Variants in CCDC91 observed in about 807,000 individuals in gnomAD.
CCDC91 encodes the protein coiled-coil domain-containing protein 91.
A neutral mutation model predicts 63.2 loss-of-function variants in CCDC91; 48 were observed. That is an observed-to-expected ratio of 0.76 (90% CI 0.60 to 0.97). The LOEUF (loss-of-function observed/expected upper bound fraction) is 0.97, where lower values mean the gene tolerates loss of function less well. Ranked by LOEUF, CCDC91 falls within the 50% of genes least tolerant of loss-of-function variation. CCDC91 has a pLI of 0.00. For missense variants in CCDC91, 500 were observed against 494.6 expected (o/e 1.01, Z -0.10); for synonymous variants, 167 against 165.8 (o/e 1.01, Z -0.06).
At chr12:28,467,252 TGAA>T (rs1177661939) in intron 11 of CCDC91, among the ~76,000 whole-genome samples, 2 of 151,668 alleles carry the variant, frequency 1.3e-5, no homozygotes, top group African/African-American at 4.8e-5. Flanking sequence ...ACACATAGAC[TGAA>T]GAAAAAGGGA....
At chr12:28,523,114 A>G (rs1453111142) in intron 12 of CCDC91, among the ~76,000 whole-genome samples, 1 of 152,136 alleles carries the variant, frequency 6.6e-6, no homozygotes, top group South Asian at 2.1e-4. Flanking sequence ...GCTGAATTCA[A>G]TTCCTGGATA....
chr12:28,439,549 T>A (rs369950732), intron 8 of CCDC91, among the ~76,000 whole-genome samples: 2 of 152,084 alleles, frequency 1.3e-5, no homozygotes, highest in South Asian at 4.1e-4. Context: ...ATACACAAAA[T>A]AATGTGAAGT....
At chr12:28,429,823 C>T (rs567270160) in intron 8 of CCDC91, among the ~76,000 whole-genome samples, 3 of 149,596 alleles carry the variant, frequency 2.0e-5, no homozygotes, top group Admixed American at 2.0e-4. Context: ...TTTGTAATTA[C>T]AAATCAAGAT....
chr12:28,457,343 G>T (rs17434816), intron 11 of CCDC91, among the ~76,000 whole-genome samples: 2,444 of 151,770 alleles, frequency 0.016, 26 homozygotes, highest in South Asian at 0.029. Context: ...AGCCGTTTTT[G>T]AATTCTAAGG....
intron 11 of CCDC91, among the ~76,000 whole-genome samples, chr12:28,469,775 A>G (rs1950719847): frequency 6.6e-6 from 1 of 152,160 alleles, no homozygotes; most frequent in African/African-American, 2.4e-5. Context: ...GAACCCAGAA[A>G]CAAAGCCACA....
At chr12:28,494,403 T>C (rs1376068335) in intron 12 of CCDC91, among the ~76,000 whole-genome samples, 1 of 151,722 alleles carries the variant, frequency 6.6e-6, no homozygotes, top group African/African-American at 2.4e-5. Context: ...TCTTTCTTAG[T>C]AGCAGGAGGT....
chr12:28,529,926 G>C (rs2141600814), intron 12 of CCDC91, among the ~76,000 whole-genome samples: 1 of 152,102 alleles, frequency 6.6e-6, no homozygotes, highest in South Asian at 2.1e-4. Flanking sequence ...TTGTAATTTA[G>C]GTGAATATTG....
At chr12:28,258,500 A>G (rs1223756385) in intron 2 of CCDC91, among the ~76,000 whole-genome samples, 4 of 152,054 alleles carry the variant, frequency 2.6e-5, no homozygotes, top group Non-Finnish European at 5.9e-5. Context: ...GCATAGGTAC[A>G]GGTTAACCAG....
intron 8 of CCDC91, among the ~76,000 whole-genome samples, chr12:28,441,764 ATG>A (rs1404371795): frequency 2.0e-5 from 3 of 150,534 alleles, no homozygotes; most frequent in African/African-American, 7.3e-5. Context: ...ATATATGTAT[ATG>A]TGTATGCATG....
chr12:28,298,451 G>C (rs930072652), intron 3 of CCDC91, among the ~76,000 whole-genome samples: 6 of 149,802 alleles, frequency 4.0e-5, no homozygotes, highest in Non-Finnish European at 5.9e-5. Flanking sequence ...TATTAACTCA[G>C]AGCATGCTTT....
intron 7 of CCDC91, among the ~76,000 whole-genome samples, chr12:28,371,927 C>T (rs1326395675): frequency 6.6e-6 from 1 of 152,106 alleles, no homozygotes; most frequent in Non-Finnish European, 1.5e-5. Flanking sequence ...GTGTGAAGAA[C>T]TTCCTTTAGT....
chr12:28,304,412 A>AAAAAAAG (rs1565765003), intron 3 of CCDC91, among the ~76,000 whole-genome samples: 1 of 140,546 alleles, frequency 7.1e-6, no homozygotes, highest in Non-Finnish European at 1.6e-5. Flanking sequence ...GAAAAAAAAA[A>AAAAAAAG]AAAGAAAAAA....
chr12:28,401,447 A>T (rs1946617623), intron 8 of CCDC91, among the ~76,000 whole-genome samples: 1 of 152,096 alleles, frequency 6.6e-6, no homozygotes, highest in African/African-American at 2.4e-5. Context: ...TGTGGGGATT[A>T]TGGGAACTAC....
intron 2 of CCDC91, among the ~76,000 whole-genome samples, chr12:28,258,775 A>G (rs972084105): frequency 6.6e-6 from 1 of 152,008 alleles, no homozygotes; most frequent in Non-Finnish European, 1.5e-5. Context: ...CTGGGCATCT[A>G]ACAGACAGAA....
At chr12:28,357,619 G>A (rs1183126466) in intron 6 of CCDC91, among the ~76,000 whole-genome samples, 1 of 151,708 alleles carries the variant, frequency 6.6e-6, no homozygotes, top group Admixed American at 6.6e-5. Context: ...TTTCAAATAA[G>A]CATTAGGGTG....
chr12:28,302,626 A>G lies in CCDC91; in HGVS notation c.110-3023A>G, dbSNP rs567121962. 37 of 983,360 alleles carry G rather than the reference A, an allele frequency of 3.8e-5. No individual in the cohort carries two copies. The South Asian group carries it at 1.6e-3, about 44-fold the overall frequency. The allele number at this position is 983,360 out of a possible 1,614,324, so 60.9% of individuals were successfully genotyped here. A position where few individuals can be genotyped will look rare whatever the true frequency, so the allele number is the denominator to read the frequency against. On this transcript the variant is annotated intron_variant, in intron 3 of 12. Coordinates refer to ENST00000536442, the MANE Select transcript of CCDC91 (RefSeq NM_018318.5). Reference sequence around the variant, plus strand: ...ACCTCTGACGGGGCAGAGTCAGGGAATGTTAGTAGTATGGTGTGACTGGAG... The same window carrying G: ...ACCTCTGACGGGGCAGAGTCAGGGAGTGTTAGTAGTATGGTGTGACTGGAG...
intron 12 of CCDC91, among the ~76,000 whole-genome samples, chr12:28,544,078 A>AAC (rs3042312): frequency 0.71 from 107,223 of 151,452 alleles, 38,264 homozygotes; most frequent in Middle Eastern, 0.77. Context: ...ATATTTTTCA[A>AAC]ACAAAGCATG....
At chr12:28,276,150 C>G (rs1283016454) in intron 3 of CCDC91, among the ~76,000 whole-genome samples, 1 of 151,636 alleles carries the variant, frequency 6.6e-6, no homozygotes, top group Non-Finnish European at 1.5e-5. Flanking sequence ...ATTTATATTC[C>G]TTGATTATTT....
intron 7 of CCDC91, among the ~76,000 whole-genome samples, chr12:28,366,368 C>T (rs1353507990): frequency 1.1e-4 from 16 of 152,276 alleles, no homozygotes; most frequent in South Asian, 4.1e-4. Flanking sequence ...ACAAACCTCA[C>T]GAAAAGCCTG....
Sources: allele counts gnomAD v4.1 joint callset (sites outside exome capture counted in the v4.1 genomes callset), GRCh38; gene constraint gnomAD v4.1.1; transcripts MANE v1.5; gene names NCBI Gene and HGNC (gene_info 2026-07-23, HGNC 2026-07-21).